Variants in KCNIP1 observed in about 807,000 individuals in gnomAD.
The protein encoded by KCNIP1 is A-type potassium channel modulatory protein KCNIP1.
Under a neutral mutation model 33.0 loss-of-function variants are expected in KCNIP1, and 18 were observed. That is an observed-to-expected ratio of 0.55 (90% CI 0.38 to 0.81). The LOEUF is 0.81. Ranked by LOEUF, KCNIP1 falls within the 30% of genes least tolerant of loss-of-function variation. The pLI, the probability that KCNIP1 is intolerant of heterozygous loss-of-function variation, is 0.00. For missense variants in KCNIP1, 238 were observed against 271.6 expected (o/e 0.88, Z 0.87); for synonymous variants, 93 against 98.3 (o/e 0.95, Z 0.32).
At chr5:170,548,295 A>C (rs928114746) in intron 1 of KCNIP1, among the ~76,000 whole-genome samples, 1 of 152,180 alleles carries the variant, frequency 6.6e-6, no homozygotes, top group Non-Finnish European at 1.5e-5. Flanking sequence ...CTAATATCGG[A>C]AGCTTTAATA....
intron 1 of KCNIP1, among the ~76,000 whole-genome samples, chr5:170,555,268 A>C (rs1756805065): frequency 6.6e-6 from 1 of 152,166 alleles, no homozygotes; most frequent in African/African-American, 2.4e-5. Context: ...TGCTGCATGC[A>C]CATGGGAAAT....
intron 1 of KCNIP1, among the ~76,000 whole-genome samples, chr5:170,624,735 G>GGTGC: frequency 8.7e-6 from 1 of 115,022 alleles, no homozygotes; most frequent in South Asian, 4.1e-4. Context: ...GGGGAGGTGG[G>GGTGC]GGGGGAGAGG....
At chr5:170,394,087 C>A (rs1377241736) in intron 1 of KCNIP1, among the ~76,000 whole-genome samples, 2 of 152,204 alleles carry the variant, frequency 1.3e-5, no homozygotes, top group African/African-American at 4.8e-5. Flanking sequence ...GCCTTTTCAA[C>A]ACACATAAAG....
intron 1 of KCNIP1, among the ~76,000 whole-genome samples, chr5:170,623,565 C>T (rs1315922577): frequency 3.3e-5 from 5 of 152,088 alleles, no homozygotes; most frequent in Non-Finnish European, 5.9e-5. Context: ...TATGGTGACC[C>T]TAAGAGGCAA....
chr5:170,572,719 C>T (rs1179512286), intron 1 of KCNIP1, among the ~76,000 whole-genome samples: 1 of 152,164 alleles, frequency 6.6e-6, no homozygotes. Flanking sequence ...AGCTCTGGGG[C>T]GGGGCTGATG....
At chr5:170,446,552 T>A (rs369347011) in intron 1 of KCNIP1, among the ~76,000 whole-genome samples, 1 of 152,280 alleles carries the variant, frequency 6.6e-6, no homozygotes, top group East Asian at 1.9e-4. Flanking sequence ...AGCCTTGAAC[T>A]TCTGCCTCAA....
chr5:170,448,042 C>T (rs1167571590), intron 1 of KCNIP1, among the ~76,000 whole-genome samples: 1 of 152,084 alleles, frequency 6.6e-6, no homozygotes, highest in African/African-American at 2.4e-5. Context: ...CTGCATGTTC[C>T]TCTTAGTAGC....
chr5:170,419,663 T>C (rs780794867), intron 1 of KCNIP1, among the ~76,000 whole-genome samples: 35 of 152,206 alleles, frequency 2.3e-4, no homozygotes, highest in Admixed American at 2.0e-3. Context: ...ATACGTGATC[T>C]CATTTCACCA....
At position 170,666,283 on chromosome 5, in the gene KCNIP1, C is replaced by T. The variant is rs1317023541; in HGVS notation, c.62-52475C>T. Among the ~76,000 whole-genome samples, 4 of 152,228 alleles carry T rather than the reference C, an allele frequency of 2.6e-5. No homozygotes were observed. In the East Asian group the frequency reaches 7.7e-4, roughly 29 times the overall value. On this transcript the variant is annotated intron_variant, in intron 1 of 7. Coordinates refer to ENST00000328939, the MANE Select transcript of KCNIP1 (RefSeq NM_014592.4). The stretch of plus-strand genomic sequence containing the variant: ...TGGGTACTGGGGCTCTTGCAGTTGG[C>T]TCCTATGTCCCCGTCATTGAGGGGT...
chr5:170,658,639 G>A (rs1025276776), intron 1 of KCNIP1, among the ~76,000 whole-genome samples: 2 of 152,164 alleles, frequency 1.3e-5, no homozygotes, highest in Non-Finnish European at 2.9e-5. Context: ...CCTGCCGGTG[G>A]TGGGCAGCTG....
chr5:170,357,970 A>G lies in KCNIP1; in HGVS notation c.88+4006A>G, dbSNP rs562456025. Among the ~76,000 whole-genome samples the G allele has an allele frequency of 5.9e-5, 9 of 152,296 alleles. No individual in the cohort carries two copies. The South Asian group carries it at 1.7e-3, about 28-fold the overall frequency. On this transcript the variant is annotated intron_variant, in intron 1 of 7. Coordinates refer to the KCNIP1 transcript ENST00000377360. ...CAGGTCCTCGCCTGCTGTTTAACCT[A>G]GGAGAAGCCCAGCTCCTGGCTCGGA...
intron 1 of KCNIP1, among the ~76,000 whole-genome samples, chr5:170,712,535 CA>C (rs1339024645): frequency 1.4e-4 from 21 of 152,350 alleles, no homozygotes; most frequent in African/African-American, 4.6e-4. Context: ...CGAGTGTTTC[CA>C]AGGACCCATC....
intron 1 of KCNIP1, among the ~76,000 whole-genome samples, chr5:170,358,628 A>G (rs1296585688): frequency 6.6e-6 from 1 of 152,212 alleles, no homozygotes; most frequent in African/African-American, 2.4e-5. Context: ...TTTTTAATGT[A>G]ATGATGATAT....
upstream of KCNIP1, among the ~76,000 whole-genome samples, chr5:170,499,356 C>T (rs1166584447): frequency 3.9e-5 from 6 of 152,224 alleles, no homozygotes; most frequent in Admixed American, 3.3e-4. Flanking sequence ...TAGGGCAGTC[C>T]ACCTTCAATA....
At chr5:170,498,613 C>G (rs1386608604) in intron 1 of KCNIP1, among the ~76,000 whole-genome samples, 6 of 152,206 alleles carry the variant, frequency 3.9e-5, no homozygotes, top group African/African-American at 1.4e-4. Context: ...AGCAGGTACT[C>G]TTGCCTCTTC....
intron 1 of KCNIP1, among the ~76,000 whole-genome samples, chr5:170,534,455 A>AGAGAGG (rs879920144): frequency 6.4e-4 from 96 of 150,818 alleles, no homozygotes; most frequent in Non-Finnish European, 1.2e-3. Context: ...AAAAGAAGGA[A>AGAGAGG]GAGAGGGAGA....
At chr5:170,377,845 T>C (rs1237373284) in intron 1 of KCNIP1, 1 of 152,318 alleles carries the variant, frequency 6.6e-6, no homozygotes, top group Non-Finnish European at 1.5e-5. Flanking sequence ...GTGCTGGGAT[T>C]ACAGGAGTGA....
In KCNIP1 at chr5:170,504,495, C is replaced by A; in HGVS notation, c.-78C>A. ...TTTCTCTCCTCCAATTCAGAGTAGA[C>A]AAACCACGGGGATTTCTTTCCAGGG... On this transcript the variant is annotated 5_prime_UTR_variant, in exon 1 of 8. Transcript: ENST00000328939. The surrounding 1 kb of genome is among the most constrained non-coding windows in gnomAD (Gnocchi z 6.0). 1.2e-6 allele frequency: 2 copies of A among 1,602,620 alleles called. No individual in the cohort carries two copies. Among genetic ancestry groups the A allele is most frequent in the Non-Finnish European group, 1.7e-6 (2 of 1,178,706 alleles).
intron 1 of KCNIP1, chr5:170,382,977 G>C: frequency 6.8e-6 from 1 of 147,978 alleles, no homozygotes. Flanking sequence ...GGGAGGGAGA[G>C]AGGGAGGGAA....
Sources: gnomAD v4.1 joint callset for allele counts (sites outside exome capture counted in the v4.1 genomes callset) on GRCh38, gnomAD v4.1.1 for gene constraint, Gnocchi (gnomAD v3.1) non-coding constraint, MANE v1.5 for transcripts, NCBI Gene and HGNC (gene_info 2026-07-23, HGNC 2026-07-21) for gene names.